ITPK1: variants seen among roughly 807,000 people sequenced by gnomAD.
The protein encoded by ITPK1 is inositol-tetrakisphosphate 1-kinase, also known as inositol 1,3,4-trisphosphate 5/6-kinase.
In ITPK1, 21 loss-of-function variants were observed where a neutral mutation model predicts 45.3. The ratio of observed to expected loss-of-function variants is 0.46; its 90% CI spans 0.33 to 0.67. The LOEUF (loss-of-function observed/expected upper bound fraction) is 0.67. Among genes scored for constraint, ITPK1 ranks in the 30% least tolerant of loss-of-function variants. The pLI is 0.02. For missense variants in ITPK1, 474 were observed against 573.5 expected (o/e 0.83, Z 1.77); for synonymous variants, 258 against 253.6 (o/e 1.02, Z -0.16).
intron 5 of ITPK1, among the ~76,000 whole-genome samples, chr14:92,972,684 C>T (rs369853052): frequency 4.6e-5 from 7 of 152,142 alleles, no homozygotes; most frequent in East Asian, 1.9e-4. Context: ...CTCCCCCTCC[C>T]GGTTCAAGCA....
At chr14:92,956,558 C>T (rs1436295218) in intron 8 of ITPK1, among the ~76,000 whole-genome samples, 3 of 152,108 alleles carry the variant, frequency 2.0e-5, no homozygotes, top group Admixed American at 6.6e-5. Flanking sequence ...TGGTTCCCAG[C>T]GTCGAGACGG....
At position 93,012,793 on chromosome 14, in the gene ITPK1, T is replaced by A. The variant is rs1223934597; in HGVS notation, c.246+3883A>T. On this transcript the variant is annotated intron_variant, in intron 4 of 10. Coordinates refer to ENST00000267615, the MANE Select transcript of ITPK1 (RefSeq NM_014216.6). This position sits in a 1 kb window ranked among gnomAD's most constrained non-coding sequence, Gnocchi z 4.9. The stretch of plus-strand genomic sequence containing the variant: ...ACAGGGCAAAGGCAGCAGTTGAGAC[T>A]GAAACTTCCTTCTTAGTCCTAAGCT... 6.6e-6 allele frequency among the ~76,000 whole-genome samples: 1 copy of A among 152,214 alleles called. No homozygotes were observed. The highest frequency in any genetic ancestry group is 1.5e-5 in the Non-Finnish European group (1 of 68,012).
At chr14:93,022,551 C>T (rs577017811) in intron 3 of ITPK1, among the ~76,000 whole-genome samples, 5 of 151,318 alleles carry the variant, frequency 3.3e-5, no homozygotes, top group Non-Finnish European at 7.4e-5. Context: ...CTCGGTCTAC[C>T]GTCGAGGCTG....
rs541471019 is a variant in ITPK1, at chr14:93,012,861, C to T, written c.246+3815G>A. 5.3e-5 allele frequency among the ~76,000 whole-genome samples: 8 copies of T among 152,350 alleles called. No individual in the cohort carries two copies. The South Asian group carries it at 1.7e-3, about 32-fold the overall frequency. ...AGGAAGGTCCCCCGAGGCAGCCCCA[C>T]ATGGCCCATGGATCACAATCACAGC... On this transcript the variant is annotated intron_variant, in intron 4 of 10. Coordinates refer to ENST00000267615, the MANE Select transcript of ITPK1 (RefSeq NM_014216.6). The surrounding 1 kb of genome is among the most constrained non-coding windows in gnomAD (Gnocchi z 4.9).
intron 2 of ITPK1, among the ~76,000 whole-genome samples, chr14:93,081,754 G>A (rs1283656335): frequency 6.6e-6 from 1 of 152,214 alleles, no homozygotes; most frequent in Non-Finnish European, 1.5e-5. Flanking sequence ...GGTGTCTGGG[G>A]CTCTGGAAGC....
chr14:92,966,612 A>C (rs781016823), intron 5 of ITPK1, among the ~76,000 whole-genome samples: 2 of 152,236 alleles, frequency 1.3e-5, no homozygotes, highest in Non-Finnish European at 2.9e-5. Flanking sequence ...TCCTATGAAA[A>C]TGCAAGAGAC....
At chr14:93,098,155 C>T (rs938528418) in intron 2 of ITPK1, among the ~76,000 whole-genome samples, 1 of 151,936 alleles carries the variant, frequency 6.6e-6, no homozygotes, top group Non-Finnish European at 1.5e-5. Context: ...CCTGTCTCTA[C>T]TAAAAATGCA....
intron 5 of ITPK1, among the ~76,000 whole-genome samples, chr14:92,985,068 G>C (rs1886427832): frequency 6.6e-6 from 1 of 152,128 alleles, no homozygotes. Context: ...GGAGGGACTG[G>C]CACTGCTGGG....
rs1884892766 is a variant in ITPK1, at chr14:92,958,807, C to CCGA, written c.505-442_505-441insTCG. ...CAGGAGGCCTTGGGTCAAAGCCTGT[C>CCGA]TGATGACAACGGCTGCCTCTTGTCA... On this transcript the variant is annotated intron_variant, in intron 7 of 10. Coordinates refer to ENST00000267615, the MANE Select transcript of ITPK1 (RefSeq NM_014216.6). The surrounding 1 kb of genome is among the most constrained non-coding windows in gnomAD (Gnocchi z 4.4). 6.6e-6 allele frequency among the ~76,000 whole-genome samples: 1 copy of CCGA among 152,180 alleles called. No homozygotes were observed. The highest frequency in any genetic ancestry group is 1.5e-5 in the Non-Finnish European group (1 of 68,040).
intron 9 of ITPK1, among the ~76,000 whole-genome samples, chr14:92,947,402 CA>C (rs1887740562): frequency 6.6e-6 from 1 of 152,250 alleles, no homozygotes; most frequent in African/African-American, 2.4e-5. Flanking sequence ...GACAGGCACA[CA>C]CTGTCATGGG....
intron 2 of ITPK1, among the ~76,000 whole-genome samples, chr14:93,090,962 C>T (rs2140005966): frequency 6.6e-6 from 1 of 152,164 alleles, no homozygotes; most frequent in South Asian, 2.1e-4. Flanking sequence ...CCTGCTCTTC[C>T]TCCTCATCCC....
Position 92,958,005 on chromosome 14 carries a change from G to C in ITPK1, c.670+196C>G, listed in dbSNP as rs2139731420. 6.6e-6 allele frequency among the ~76,000 whole-genome samples: 1 copy of C among 152,304 alleles called. No individual in the cohort carries two copies. Among genetic ancestry groups the C allele is most frequent in the African/African-American group, 2.4e-5 (1 of 41,560 alleles). On this transcript the variant is annotated intron_variant, in intron 8 of 10. Transcript: ENST00000267615. The surrounding 1 kb of genome is among the most constrained non-coding windows in gnomAD (Gnocchi z 4.4). Reference sequence around the variant, plus strand: ...GGGTGGGGCCCCCTACAATGACCCAGGGAATAGGGACATTTTACTAGTTCC... The same window carrying C: ...GGGTGGGGCCCCCTACAATGACCCACGGAATAGGGACATTTTACTAGTTCC...
chr14:93,056,896 AC>A, intron 3 of ITPK1, among the ~76,000 whole-genome samples: 1 of 152,288 alleles, frequency 6.6e-6, no homozygotes, highest in East Asian at 1.9e-4. Context: ...AGTTAAATAA[AC>A]CCCATGCAAG....
chr14:92,949,040 G>C (rs907546806), intron 9 of ITPK1, among the ~76,000 whole-genome samples: 3 of 151,974 alleles, frequency 2.0e-5, no homozygotes, highest in Non-Finnish European at 2.9e-5. Context: ...TACTTTCTAG[G>C]GGGCAGGAGT....
intron 4 of ITPK1, among the ~76,000 whole-genome samples, chr14:93,011,334 G>C (rs934272094): frequency 6.6e-6 from 1 of 152,244 alleles, no homozygotes; most frequent in Non-Finnish European, 1.5e-5. Context: ...GGCCTCGCTT[G>C]GCGGACTAGC....
intron 5 of ITPK1, among the ~76,000 whole-genome samples, chr14:92,970,224 C>T (rs899940895): frequency 2.0e-5 from 3 of 152,196 alleles, no homozygotes; most frequent in Non-Finnish European, 4.4e-5. Flanking sequence ...CCAGCCAGCC[C>T]GACGCTGGAC....
rs527800259 is a variant in ITPK1, at chr14:93,074,494, C to T, written c.120+2101G>A. On this transcript the variant is annotated intron_variant, in intron 3 of 10. Transcript: ENST00000267615. ...CCCACTGTGTGACAGTTTGAGGTCGCGTATGGACAGGATCAGGCATGGGGG... is the reference window on the plus strand; with the variant it reads ...CCCACTGTGTGACAGTTTGAGGTCGTGTATGGACAGGATCAGGCATGGGGG... 5.8e-4 allele frequency among the ~76,000 whole-genome samples: 89 copies of T among 152,334 alleles called. 1 individual carries two copies. Among genetic ancestry groups the T allele is most frequent in the Admixed American group, 1.2e-3 (19 of 15,302 alleles).
rs371236795 is a variant in ITPK1 at position 93,093,518 on chromosome 14, C to T, written c.96-16899G>A. On this transcript the variant is annotated intron_variant, in intron 2 of 10. Coordinates refer to ENST00000267615, the MANE Select transcript of ITPK1 (RefSeq NM_014216.6). ...GTCCTTTCTTCCCCCCTCAGCCCTG[C>T]GCTGAGGTCAACAGGTTCCCTAAAC... Among the ~76,000 whole-genome samples the T allele has an allele frequency of 9.8e-5, 15 of 152,292 alleles. No homozygotes were observed. In the East Asian group the frequency reaches 1.7e-3, roughly 18 times the overall value.
rs926381159 is a variant in ITPK1 at position 92,941,339 on chromosome 14, C to T, written c.*222G>A. 2.8e-6 allele frequency: 4 copies of T among 1,411,138 alleles called. No homozygotes were observed. Among genetic ancestry groups the T allele is most frequent in the South Asian group, 3.2e-5 (2 of 63,446 alleles). 87.4% of individuals were successfully genotyped at this position (1,411,138 alleles called of 1,614,324 possible). ...GTTAGGAGGTCTGCACAGTAGAGAGCAGGCGGACGGCCCCACTCCCCAACG... is the reference window on the plus strand; with the variant it reads ...GTTAGGAGGTCTGCACAGTAGAGAGTAGGCGGACGGCCCCACTCCCCAACG... On this transcript the variant is annotated 3_prime_UTR_variant, in exon 11 of 11. Coordinates refer to ENST00000267615, the MANE Select transcript of ITPK1 (RefSeq NM_014216.6).
Sources: gnomAD v4.1 joint callset for allele counts (sites outside exome capture counted in the v4.1 genomes callset) on GRCh38, gnomAD v4.1.1 for gene constraint, Gnocchi (gnomAD v3.1) non-coding constraint, MANE v1.5 for transcripts, NCBI Gene and HGNC (gene_info 2026-07-23, HGNC 2026-07-21) for gene names.